The following PLEKHA6 variants were observed in gnomAD, a reference collection of about 807,000 sequenced individuals.
PLEKHA6 encodes the protein pleckstrin homology domain containing A6.
Under a neutral mutation model 116.7 loss-of-function variants are expected in PLEKHA6, and 60 were observed. The ratio of observed to expected loss-of-function variants is 0.51; its 90% CI spans 0.42 to 0.64. The LOEUF (loss-of-function observed/expected upper bound fraction) is 0.64, where lower values mean the gene tolerates loss of function less well. PLEKHA6 is among the 30% of genes least tolerant of loss of function. The pLI is 0.00. For missense variants in PLEKHA6, 1,338 were observed against 1,422.7 expected, an observed-to-expected ratio of 0.94 and a Z score of 0.96; for synonymous variants, 489 against 556.1, an observed-to-expected ratio of 0.88 and a Z score of 1.70.
At chr1:204,256,973 T>C (rs1241779561) in intron 9 of PLEKHA6, 1 of 579,386 alleles carries the variant, frequency 1.7e-6, no homozygotes, top group Non-Finnish European at 3.1e-6. Flanking sequence ...TTAGAGGTAT[T>C]TGTGTTCAGT....
rs368126638 is a variant in PLEKHA6, at chr1:204,330,715, G to A, written c.-95+28979C>T. 2.8e-4 allele frequency among the ~76,000 whole-genome samples: 42 copies of A among 152,242 alleles called. 1 individual carries two copies. The highest frequency in any genetic ancestry group is 3.4e-3 in the Middle Eastern group (1 of 294). Reference sequence around the variant, plus strand: ...CCTCAGAGCCTTTGACAGAGGTAGAGCCAGTGCTACCGAAGAGGAAGCAGC... The same window carrying A: ...CCTCAGAGCCTTTGACAGAGGTAGAACCAGTGCTACCGAAGAGGAAGCAGC... On this transcript the variant is annotated intron_variant, in intron 1 of 22. Coordinates refer to ENST00000272203, the MANE Select transcript of PLEKHA6 (RefSeq NM_014935.5).
chr1:204,288,542 G>T (rs1228905847), intron 1 of PLEKHA6, among the ~76,000 whole-genome samples: 1 of 152,170 alleles, frequency 6.6e-6, no homozygotes, highest in Non-Finnish European at 1.5e-5. Flanking sequence ...CTGGGGGAGG[G>T]ATGATATTGT....
At chr1:204,344,813 C>T (rs1159256312) in intron 1 of PLEKHA6, among the ~76,000 whole-genome samples, 1 of 152,076 alleles carries the variant, frequency 6.6e-6, no homozygotes, top group Non-Finnish European at 1.5e-5. Flanking sequence ...CCCATCCTGC[C>T]AATCCTTCAG....
rs150121069 is a variant in PLEKHA6 at position 204,226,337 on chromosome 1, G to A, written c.3031+1746C>T. On this transcript the variant is annotated intron_variant, in intron 21 of 22. Transcript: ENST00000272203. ...CATGTAAGCCCATGTGTATCAAGAC[G>A]GAAATCGGATAGGCCGGGTGGGTTT... is the stretch of plus-strand genomic sequence containing the variant. Among the ~76,000 whole-genome samples, 175 of 152,334 alleles carry A rather than the reference G, an allele frequency of 1.1e-3. 1 individual carries two copies. The highest frequency in any genetic ancestry group is 3.8e-3 in the African/African-American group (156 of 41,576).
Position 204,339,628 on chromosome 1 carries a change from G to A in PLEKHA6, c.-95+20066C>T, listed in dbSNP as rs150989364. ...CTTCATAATTCAATGAACCCCCAGG[G>A]AAATAACTAGGGGGAAAATCAGTAC... On this transcript the variant is annotated intron_variant, in intron 1 of 22. Coordinates refer to ENST00000272203, the MANE Select transcript of PLEKHA6 (RefSeq NM_014935.5). Among the ~76,000 whole-genome samples, 858 of 152,222 alleles carry A rather than the reference G, an allele frequency of 5.6e-3. 7 individuals carry two copies. Among genetic ancestry groups the A allele is most frequent in the African/African-American group, 0.019 (768 of 41,510 alleles).
At chr1:204,358,421 C>T (rs1423928769) in intron 1 of PLEKHA6, among the ~76,000 whole-genome samples, 1 of 152,198 alleles carries the variant, frequency 6.6e-6, no homozygotes, top group Non-Finnish European at 1.5e-5. Flanking sequence ...GCGACTGAAC[C>T]GTCCTAGCCA....
chr1:204,232,107 T>C (rs773033477), intron 17 of PLEKHA6, among the ~76,000 whole-genome samples: 2 of 152,120 alleles, frequency 1.3e-5, no homozygotes, highest in African/African-American at 2.4e-5. Flanking sequence ...CCATCTTTAT[T>C]ATAAAGTGGC....
chr1:204,257,395 G>T lies in PLEKHA6; in HGVS notation c.1482C>A (p.Asp494Glu). ...ATCGCCTCATCACATAGGCAGCAGG[G>T]TCAGCATAGATGTCCTCACTGCGAG... Reference protein sequence around the residue: ...LPPRSEDIYADPAAYVMRRSI... With the variant: ...LPPRSEDIYAEPAAYVMRRSI... Residue 494 changes from aspartate to glutamate, a missense_variant, in exon 9 of 23, where the codon GAC (aspartate) becomes GAA (glutamate). Asp to Glu is a conservative substitution (Grantham distance 45). Coordinates refer to ENST00000272203, the MANE Select transcript of PLEKHA6 (RefSeq NM_014935.5). This position sits in a 1 kb window ranked among gnomAD's most constrained non-coding sequence, Gnocchi z 6.5. The T allele has an allele frequency of 6.4e-7, 1 of 1,563,724 alleles. No individual in the cohort carries two copies. The highest frequency in any genetic ancestry group is 1.4e-5 in the African/African-American group (1 of 73,906).
intron 1 of PLEKHA6, among the ~76,000 whole-genome samples, chr1:204,280,779 A>G (rs1027864528): frequency 2.6e-5 from 4 of 152,174 alleles, no homozygotes; most frequent in Non-Finnish European, 4.4e-5. Context: ...ATTATTTTCA[A>G]GGAGGCTTAT....
At chr1:204,245,138 T>C in intron 14 of PLEKHA6, 135 bp from the exon 15 acceptor site, 1 of 591,952 alleles carries the variant, frequency 1.7e-6, no homozygotes, top group Non-Finnish European at 2.7e-6. Context: ...GTCTCAGGGC[T>C]ACCTGGGCCT....
chr1:204,374,497 C>T (rs944614093), intron 1 of PLEKHA6, among the ~76,000 whole-genome samples: 14 of 152,140 alleles, frequency 9.2e-5, no homozygotes, highest in African/African-American at 3.4e-4. Flanking sequence ...ACCACCAAAA[C>T]TTACCCAGAT....
intron 1 of PLEKHA6, among the ~76,000 whole-genome samples, chr1:204,333,532 T>C (rs1672534768): frequency 6.6e-6 from 1 of 152,248 alleles, no homozygotes; most frequent in Non-Finnish European, 1.5e-5. Context: ...GGAAGCACTA[T>C]ATTATCATCT....
At position 204,228,074 on chromosome 1, in the gene PLEKHA6, C is replaced by T. The variant is rs751576580; in HGVS notation, c.3031+9G>A. ...CTGGCAGGGTGGAGCGAGGCCCAGC[C>T]CCTCTCACCAGACAGCATGCGGCCC... is the stretch of plus-strand genomic sequence containing the variant. On this transcript the variant is annotated intron_variant, in intron 21 of 22. Coordinates refer to ENST00000272203, the MANE Select transcript of PLEKHA6 (RefSeq NM_014935.5). The surrounding 1 kb of genome is among the most constrained non-coding windows in gnomAD (Gnocchi z 4.0). The T allele has an allele frequency of 4.3e-6, 7 of 1,610,782 alleles. No homozygotes were observed. Among genetic ancestry groups the T allele is most frequent in the Non-Finnish European group, 5.9e-6 (7 of 1,178,528 alleles).
At chr1:204,288,987 T>A (rs1432674501) in intron 1 of PLEKHA6, among the ~76,000 whole-genome samples, 1 of 152,190 alleles carries the variant, frequency 6.6e-6, no homozygotes, top group Non-Finnish European at 1.5e-5. Context: ...TCCCTCTTTA[T>A]CCTTTAAAAA....
chr1:204,294,104 G>A (rs186128865), intron 1 of PLEKHA6, among the ~76,000 whole-genome samples: 25 of 152,244 alleles, frequency 1.6e-4, no homozygotes, highest in East Asian at 9.7e-4. Context: ...TGGCCAGAGC[G>A]TGACAGCTGC....
In PLEKHA6 at chr1:204,259,183, G is replaced by A. The variant is rs1256414400; in HGVS notation, c.1007+75C>T. On this transcript the variant is annotated intron_variant, in intron 8 of 22. Coordinates refer to ENST00000272203, the MANE Select transcript of PLEKHA6 (RefSeq NM_014935.5). This position sits in a 1 kb window ranked among gnomAD's most constrained non-coding sequence, Gnocchi z 4.6. ...GAAGGTTTCCAACAGGGGATGCCTC[G>A]TGGGCTATGACCCCACTCGCACGCT... is the stretch of plus-strand genomic sequence containing the variant. The A allele has an allele frequency of 2.0e-5, 30 of 1,504,118 alleles. No individual in the cohort carries two copies. Among genetic ancestry groups the A allele is most frequent in the South Asian group, 3.8e-5 (3 of 79,262 alleles). The allele number at this position is 1,504,118 out of a possible 1,614,324, so 93.2% of individuals were successfully genotyped here.
intron 17 of PLEKHA6, among the ~76,000 whole-genome samples, chr1:204,239,366 G>C (rs1662489310): frequency 1.3e-5 from 2 of 152,188 alleles, no homozygotes; most frequent in African/African-American, 4.8e-5. Flanking sequence ...CGATTCCTTG[G>C]GGTGAACAAC....
At chr1:204,300,993 GC>G (rs1463783883) in intron 1 of PLEKHA6, among the ~76,000 whole-genome samples, 2 of 152,200 alleles carry the variant, frequency 1.3e-5, no homozygotes, top group African/African-American at 4.8e-5. Context: ...ACCTGAACTG[GC>G]AAGAGACTCT....
intron 9 of PLEKHA6, among the ~76,000 whole-genome samples, chr1:204,252,045 C>A (rs995371838): frequency 6.6e-6 from 1 of 151,946 alleles, no homozygotes; most frequent in African/African-American, 2.4e-5. Flanking sequence ...CTAGGACCTG[C>A]TCTTTGGATG....
Sources: gnomAD v4.1 joint callset for allele counts (sites outside exome capture counted in the v4.1 genomes callset) on GRCh38, gnomAD v4.1.1 for gene constraint, Gnocchi (gnomAD v3.1) non-coding constraint, MANE v1.5 for transcripts, NCBI Gene and HGNC (gene_info 2026-07-23, HGNC 2026-07-21) for gene names.